DUSP4: variants seen among roughly 807,000 people sequenced by gnomAD.
DUSP4 encodes the protein dual specificity protein phosphatase 4.
Under a neutral mutation model 27.2 loss-of-function variants are expected in DUSP4, and 12 were observed. The ratio of observed to expected loss-of-function variants is 0.44; its 90% CI spans 0.28 to 0.71. DUSP4 has a LOEUF of 0.71. DUSP4 is among the 30% of genes least tolerant of loss of function. DUSP4 has a pLI of 0.14. For missense variants in DUSP4, 448 were observed against 551.3 expected, an observed-to-expected ratio of 0.81 and a Z score of 1.88; for synonymous variants, 257 against 245.2, an observed-to-expected ratio of 1.05 and a Z score of -0.45.
intron 1 of DUSP4, chr8:29,345,677 T>C: frequency 1.4e-6 from 2 of 1,426,716 alleles, no homozygotes; most frequent in Non-Finnish European, 1.8e-6. Context: ...AGCAGTCCAT[T>C]TTTGTGGGTG....
chr8:29,349,870 G>A lies in DUSP4; in HGVS notation c.409C>T (p.Arg137Cys), dbSNP rs918359336. Residue 137 changes from arginine (R) to cysteine (C), a missense_variant, in exon 1 of 4, where the codon CGC becomes TGC. By Grantham distance (180) the Arg-to-Cys change is radical (BLOSUM62 -3). Around this residue, in one of 3 missense-constraint regions of DUSP4, gnomAD observed 345 missense variants for 394.0 expected, o/e 0.88. Coordinates refer to ENST00000240100, the MANE Select transcript of DUSP4 (RefSeq NM_001394.7). ...VVQALRRNAE[R>C]TDICLLKGGY... ...CCTTTGAGCAGGCAGATGTCGGTGCGCTCGGCGTTGCGGCGCAGCGCCTGC... is the reference window on the plus strand; with the variant it reads ...CCTTTGAGCAGGCAGATGTCGGTGCACTCGGCGTTGCGGCGCAGCGCCTGC... 1.7e-5 allele frequency: 26 copies of A among 1,507,422 alleles called. No individual in the cohort carries two copies. Among genetic ancestry groups the A allele is most frequent in the East Asian group, 2.4e-5 (1 of 41,776 alleles). 93.4% of individuals were successfully genotyped at this position (1,507,422 alleles called of 1,614,324 possible).
At chr8:29,338,070 G>C (rs572264828) in intron 3 of DUSP4, among the ~76,000 whole-genome samples, 1 of 152,294 alleles carries the variant, frequency 6.6e-6, no homozygotes, top group East Asian at 1.9e-4. Context: ...GAAGGGGACT[G>C]GCTCTGCAAG....
At chr8:29,340,013 AC>A in intron 2 of DUSP4, 84 bp downstream of exon 2, 1 of 1,477,060 alleles carries the variant, frequency 6.8e-7, no homozygotes, top group South Asian at 1.3e-5. Context: ...GACAAAAAAC[AC>A]CGTCAGAACT....
At chr8:29,348,330 C>G (rs1051121758) in intron 1 of DUSP4, 32 of 985,496 alleles carry the variant, frequency 3.2e-5, no homozygotes, top group Non-Finnish European at 3.9e-5. Context: ...GGACGCCCAC[C>G]CTGGTGGCCT....
In DUSP4 at chr8:29,334,336, G is replaced by T. The variant is rs540449468; in HGVS notation, c.*2690C>A. On this transcript the variant is annotated 3_prime_UTR_variant, in exon 4 of 4. Transcript: ENST00000240100. ...GGGTGGTATCTTCATCAGAGCTATTGTAAGTCATCCAAAAGGCTTCTGACG... is the reference window on the plus strand; with the variant it reads ...GGGTGGTATCTTCATCAGAGCTATTTTAAGTCATCCAAAAGGCTTCTGACG... The T allele has an allele frequency of 1.3e-5, 2 of 152,330 alleles. No homozygotes were observed. Among genetic ancestry groups the T allele is most frequent in the South Asian group, 4.1e-4 (2 of 4,824 alleles). 9.4% of individuals were successfully genotyped at this position (152,330 alleles called of 1,614,324 possible). A position where few individuals can be genotyped will look rare whatever the true frequency, so the allele number is the denominator to read the frequency against.
chr8:29,345,477 G>T, intron 1 of DUSP4: 1 of 1,611,900 alleles, frequency 6.2e-7, no homozygotes, highest in African/African-American at 1.3e-5. Context: ...CCTCCTGGGC[G>T]ATCTGCTATG....
intron 1 of DUSP4, among the ~76,000 whole-genome samples, chr8:29,341,920 T>C (rs1817661399): frequency 6.6e-6 from 1 of 152,252 alleles, no homozygotes; most frequent in African/African-American, 2.4e-5. Context: ...CACTTGTTAC[T>C]CTATATACTT....
At chr8:29,347,428 A>C (rs1817751762) in intron 1 of DUSP4, among the ~76,000 whole-genome samples, 1 of 152,228 alleles carries the variant, frequency 6.6e-6, no homozygotes, top group African/African-American at 2.4e-5. Context: ...AAAATCAGCT[A>C]AGCTAAACCG....
At chr8:29,343,607 C>A (rs901098510) in intron 1 of DUSP4, among the ~76,000 whole-genome samples, 8 of 151,978 alleles carry the variant, frequency 5.3e-5, no homozygotes, top group Admixed American at 2.6e-4. Flanking sequence ...ACTTTTCATG[C>A]AAAAACAGAA....
At chr8:29,346,222 T>C (rs761923042) in intron 1 of DUSP4, 50 of 290,558 alleles carry the variant, frequency 1.7e-4, no homozygotes, top group Non-Finnish European at 2.3e-4. Flanking sequence ...CCTGGGCTAT[T>C]GGATGCTATC....
In DUSP4 at chr8:29,337,636, C is replaced by T. The variant is rs1563859823; in HGVS notation, c.800-225G>A. Among the ~76,000 whole-genome samples, 1 of 152,216 alleles carries T rather than the reference C, an allele frequency of 6.6e-6. No individual in the cohort carries two copies. On this transcript the variant is annotated intron_variant, in intron 3 of 3. Coordinates refer to ENST00000240100, the MANE Select transcript of DUSP4 (RefSeq NM_001394.7). The surrounding 1 kb of genome is among the most constrained non-coding windows in gnomAD (Gnocchi z 6.4). ...GCTGAAGCTGGTTAAATCCTATTAT[C>T]TGTTCAAGGATTTCCCTTTGCAGAA...
chr8:29,346,954 G>T (rs1177503013), intron 1 of DUSP4, among the ~76,000 whole-genome samples: 2 of 152,168 alleles, frequency 1.3e-5, no homozygotes. Context: ...AAGAATGGCA[G>T]ACACCAACCA....
intron 1 of DUSP4, among the ~76,000 whole-genome samples, chr8:29,343,467 C>T (rs990217653): frequency 1.3e-5 from 2 of 152,178 alleles, no homozygotes; most frequent in African/African-American, 4.8e-5. Context: ...TGCTCAAGTC[C>T]ACCCCCCACA....
At position 29,349,934 on chromosome 8, in the gene DUSP4, G is replaced by C; in HGVS notation, c.345C>G (p.Ala115=). 6.3e-7 allele frequency: 1 copy of C among 1,594,484 alleles called. No individual in the cohort carries two copies. The highest frequency in any genetic ancestry group is 8.5e-7 in the Non-Finnish European group (1 of 1,174,798). Residue 115 remains alanine, a synonymous_variant, in exon 1 of 4, where the codon GCC becomes GCG. Coordinates refer to ENST00000240100, the MANE Select transcript of DUSP4 (RefSeq NM_001394.7). ...VIVYDERSPR[A]ESLREDSTVS... is the part of the protein sequence containing the mutation. ...CGGTGCTGTCCTCGCGGAGGCTCTC[G>C]GCGCGCGGGCTGCGCTCGTCGTAGA...
chr8:29,339,840 C>G (rs1304499631), intron 2 of DUSP4, among the ~76,000 whole-genome samples: 2 of 135,688 alleles, frequency 1.5e-5, no homozygotes, highest in African/African-American at 2.8e-5. Context: ...CCCCCCCCCC[C>G]ATCTCTACCA....
intron 2 of DUSP4, 45 bp from the exon 3 acceptor site, chr8:29,338,546 A>C (rs777350899): frequency 3.2e-6 from 5 of 1,581,650 alleles, no homozygotes; most frequent in Non-Finnish European, 4.3e-6. Context: ...CATGAGGGTA[A>C]AGTGCTTGGC....
In DUSP4 at chr8:29,350,268, A is replaced by C; in HGVS notation, c.11T>G (p.Met4Arg). Residue 4 changes from methionine to arginine, a missense_variant, in exon 1 of 4, where the codon ATG (methionine) becomes AGG (arginine). Met to Arg is a moderately conservative substitution (Grantham distance 91, BLOSUM62 -1). Coordinates refer to ENST00000240100, the MANE Select transcript of DUSP4 (RefSeq NM_001394.7). MVTMEELREMDCSV... is the reference protein window; with the variant it reads MVTREELREMDCSV... Reference sequence around the variant, plus strand: ...GCAGTCCATCTCCCGCAGCTCCTCCATCGTCACCATGGTCGCCGGGAACCG... The same window carrying C: ...GCAGTCCATCTCCCGCAGCTCCTCCCTCGTCACCATGGTCGCCGGGAACCG... 1 of 1,580,308 alleles carries C rather than the reference A, an allele frequency of 6.3e-7. No homozygotes were observed. Among genetic ancestry groups the C allele is most frequent in the Non-Finnish European group, 8.6e-7 (1 of 1,161,192 alleles).
rs1295808237 is a variant in DUSP4, at chr8:29,338,519, C to T, written c.580-18G>A. The stretch of plus-strand genomic sequence containing the variant: ...GGACCCCCCTGCACAGAAAGGGAAA[C>T]AAAGGCCCCTGAATGACATGAGGGT... On this transcript the variant is annotated intron_variant, in intron 2 of 3. Transcript: ENST00000240100. 1 of 1,608,836 alleles carries T rather than the reference C, an allele frequency of 6.2e-7. No homozygotes were observed.
chr8:29,339,785 C>T (rs1001117235), intron 2 of DUSP4, among the ~76,000 whole-genome samples: 2 of 150,704 alleles, frequency 1.3e-5, no homozygotes, highest in Non-Finnish European at 3.0e-5. Flanking sequence ...AGGAGGATCA[C>T]TTGAGGCCAG....
Sources: allele counts gnomAD v4.1 joint callset (sites outside exome capture counted in the v4.1 genomes callset), GRCh38; gene constraint gnomAD v4.1.1; regional missense constraint gnomAD v4.1.1; non-coding constraint Gnocchi (gnomAD v3.1); transcripts MANE v1.5; gene names NCBI Gene and HGNC (gene_info 2026-07-23, HGNC 2026-07-21).